The following MMP17 variants were observed in gnomAD, a reference collection of about 807,000 sequenced individuals.
The protein encoded by MMP17 is matrix metalloproteinase-17.
In MMP17, 54 loss-of-function variants were observed where a neutral mutation model predicts 49.1. That is an observed-to-expected ratio of 1.10 (90% CI 0.88 to 1.38). MMP17 has a LOEUF of 1.38. Among genes scored for constraint, MMP17 ranks in the 40% most tolerant of loss-of-function variants. The probability of loss-of-function intolerance (pLI) is 0.00; values close to 1 mark genes in which losing one functional copy is unlikely to be tolerated. For missense variants in MMP17, 837 were observed against 853.7 expected (o/e 0.98, Z 0.24); for synonymous variants, 397 against 383.1 (o/e 1.04, Z -0.42).
In MMP17 at chr12:131,849,845, A is replaced by G. The variant is rs1290473444; in HGVS notation, c.1248A>G (p.Gly416=). 14 of 1,613,804 alleles carry G rather than the reference A, an allele frequency of 8.7e-6. No individual in the cohort carries two copies. Among genetic ancestry groups the G allele is most frequent in the Non-Finnish European group, 1.0e-5 (12 of 1,179,992 alleles). Residue 416 remains glycine (G), a synonymous_variant, in exon 9 of 10, where the codon GGA becomes GGG. Transcript: ENST00000360564. The part of the protein sequence containing the change: ...WVFKDNNVEE[G]YPRPVSDFSL... ...TCAAGGACAATAACGTAGAGGAAGG[A>G]TACCCGCGCCCCGTCTCCGACTTCA...
At chr12:131,847,239 C>T (rs562577258) in intron 8 of MMP17, among the ~76,000 whole-genome samples, 83 of 152,006 alleles carry the variant, frequency 5.5e-4, no homozygotes, top group African/African-American at 1.6e-3. Flanking sequence ...GGTGAAACCC[C>T]GTCTCTACTA....
rs1887718632 is a variant in MMP17, at chr12:131,846,723, C to T, written c.1204+1274C>T. ...CTTAACTAACACATCTGCAAAGACC[C>T]TCTTTCCAAGTAAGGTCACGTCCTG... On this transcript the variant is annotated intron_variant, in intron 8 of 9. Transcript: ENST00000360564. The surrounding 1 kb of genome is among the most constrained non-coding windows in gnomAD (Gnocchi z 4.6). Among the ~76,000 whole-genome samples, 1 of 152,174 alleles carries T rather than the reference C, an allele frequency of 6.6e-6. No individual in the cohort carries two copies. The highest frequency in any genetic ancestry group is 1.5e-5 in the Non-Finnish European group (1 of 68,028).
At chr12:131,837,854 G>C (rs1887160582) in intron 1 of MMP17, among the ~76,000 whole-genome samples, 1 of 152,210 alleles carries the variant, frequency 6.6e-6, no homozygotes, top group Non-Finnish European at 1.5e-5. Context: ...GGGACTACAG[G>C]CACCTGCCAC....
At chr12:131,847,324 A>G (rs1429836327) in intron 8 of MMP17, among the ~76,000 whole-genome samples, 1 of 151,102 alleles carries the variant, frequency 6.6e-6, no homozygotes, top group African/African-American at 2.4e-5. Flanking sequence ...GAGGCAGGAG[A>G]ATGGCGTGAA....
In MMP17 at chr12:131,840,667, C is replaced by T. The variant is rs1470156008; in HGVS notation, c.517C>T (p.Leu173=). 1 of 1,608,574 alleles carries T rather than the reference C, an allele frequency of 6.2e-7. No homozygotes were observed. The highest frequency in any genetic ancestry group is 8.5e-7 in the Non-Finnish European group (1 of 1,179,962). ...CAAGGTCTGGAGCGACATTGCGCCC[C>T]TGAACTTCCACGAGGTGGCGGGCAG... ...ALKVWSDIAP[L]NFHEVAGSAA... Residue 173 remains leucine, a synonymous_variant, in exon 4 of 10, where the codon CTG becomes TTG. Transcript: ENST00000360564.
At chr12:131,843,528 C>A (rs1887534579) in intron 5 of MMP17, among the ~76,000 whole-genome samples, 1 of 152,172 alleles carries the variant, frequency 6.6e-6, no homozygotes, top group Admixed American at 6.5e-5. Flanking sequence ...AATACAGGCA[C>A]GAACCACTGT....
At chr12:131,835,016 G>A (rs539436218) in intron 1 of MMP17, among the ~76,000 whole-genome samples, 3 of 152,314 alleles carry the variant, frequency 2.0e-5, no homozygotes, top group African/African-American at 7.2e-5. Context: ...GTGTCCACCC[G>A]AAGGCTGGTG....
chr12:131,829,774 G>A (rs1315814874), intron 1 of MMP17, among the ~76,000 whole-genome samples: 3 of 152,258 alleles, frequency 2.0e-5, no homozygotes, highest in African/African-American at 7.2e-5. Context: ...CAGCCCCTGT[G>A]GTTGGCAGGA....
chr12:131,842,796 C>T (rs1270051989), intron 5 of MMP17, among the ~76,000 whole-genome samples: 1 of 151,838 alleles, frequency 6.6e-6, no homozygotes, highest in Non-Finnish European at 1.5e-5. Flanking sequence ...AAGAAATTCA[C>T]AATTTCAAGG....
At chr12:131,837,204 G>T (rs917153271) in intron 1 of MMP17, among the ~76,000 whole-genome samples, 3 of 152,220 alleles carry the variant, frequency 2.0e-5, no homozygotes, top group Non-Finnish European at 4.4e-5. Flanking sequence ...GGACTCTGAG[G>T]AAGGAGCCCA....
chr12:131,828,873 T>C (rs1037871591), intron 1 of MMP17, among the ~76,000 whole-genome samples: 6 of 152,052 alleles, frequency 3.9e-5, no homozygotes, highest in African/African-American at 1.4e-4. Context: ...CCGGCTGCCG[T>C]CCCGGCTCCG....
intron 1 of MMP17, among the ~76,000 whole-genome samples, chr12:131,833,720 T>C (rs1886938920): frequency 6.6e-6 from 1 of 152,138 alleles, no homozygotes; most frequent in South Asian, 2.1e-4. Flanking sequence ...CCCATGCAGG[T>C]TGGGTCACAG....
Position 131,838,177 on chromosome 12 carries a change from C to T in MMP17, c.160-18C>T. The T allele has an allele frequency of 6.2e-7, 1 of 1,606,436 alleles. No individual in the cohort carries two copies. The highest frequency in any genetic ancestry group is 1.1e-5 in the South Asian group (1 of 90,096). On this transcript the variant is annotated intron_variant, in intron 1 of 9. Transcript: ENST00000360564. ...CGGGCCCTCTGTTGCACCCCCTCAC[C>T]CTGCTCTCTGCCCTCAGGAGTGGCT...
chr12:131,831,489 TGGCTGGG>T (rs1333128263), intron 1 of MMP17, among the ~76,000 whole-genome samples: 16 of 152,092 alleles, frequency 1.1e-4, no homozygotes, highest in African/African-American at 3.6e-4. Flanking sequence ...GTCATCGCCC[TGGCTGGG>T]GCCAGGGTGT....
At chr12:131,844,200 G>T (rs552861793) in intron 6 of MMP17, 119 bp downstream of exon 6, 2 of 796,814 alleles carry the variant, frequency 2.5e-6, no homozygotes, top group East Asian at 5.6e-5. Flanking sequence ...CTGTGTGGCC[G>T]ACTGAGCCCC....
chr12:131,844,040 TC>T lies in MMP17; in HGVS notation c.931del (p.Leu311CysfsTer47). ...CTCCCACGGCGCAGCCCGAGGAGCC[TC>T]CCCTGCTGCCGGAGCCCCCAGACAA... ...VSPTAQPEEP[P>X]LLPEPPDNRS... On this transcript the variant is annotated frameshift_variant, in exon 6 of 10. Coordinates refer to ENST00000360564, the MANE Select transcript of MMP17 (RefSeq NM_016155.7). LOFTEE classifies it high-confidence loss of function. 1.3e-6 allele frequency: 2 copies of T among 1,570,546 alleles called. No homozygotes were observed. The highest frequency in any genetic ancestry group is 8.6e-7 in the Non-Finnish European group (1 of 1,160,180).
chr12:131,846,520 G>A lies in MMP17; in HGVS notation c.1204+1071G>A, dbSNP rs185065974. Among the ~76,000 whole-genome samples, 570 of 152,120 alleles carry A rather than the reference G, an allele frequency of 3.7e-3. 2 individuals are homozygous for A. The highest frequency in any genetic ancestry group is 0.013 in the African/African-American group (534 of 41,496). ...TCCCTAGTAGCTGGGATTACAAGGTGCCCGCCACCACTCCTGGCTAATTTT... is the reference window on the plus strand; with the variant it reads ...TCCCTAGTAGCTGGGATTACAAGGTACCCGCCACCACTCCTGGCTAATTTT... On this transcript the variant is annotated intron_variant, in intron 8 of 9. Coordinates refer to ENST00000360564, the MANE Select transcript of MMP17 (RefSeq NM_016155.7). The surrounding 1 kb of genome is among the most constrained non-coding windows in gnomAD (Gnocchi z 4.6).
At chr12:131,840,301 C>T (rs1887316843) in intron 3 of MMP17, 4 of 434,082 alleles carry the variant, frequency 9.2e-6, no homozygotes, top group Non-Finnish European at 1.3e-5. Context: ...GGCCCTGGGG[C>T]TGATGGCTCC....
At chr12:131,838,582 T>C (rs1887206324) in intron 2 of MMP17, 30 bp from the exon 3 acceptor site, 2 of 1,598,740 alleles carry the variant, frequency 1.3e-6, no homozygotes, top group Non-Finnish European at 8.5e-7. Flanking sequence ...TGAGCTGGGC[T>C]AGGCTCTGAG....
Sources: allele counts gnomAD v4.1 joint callset (sites outside exome capture counted in the v4.1 genomes callset), GRCh38; gene constraint gnomAD v4.1.1; non-coding constraint Gnocchi (gnomAD v3.1); transcripts MANE v1.5; gene names NCBI Gene and HGNC (gene_info 2026-07-23, HGNC 2026-07-21).